Variants in CUX1 observed in about 807,000 individuals in gnomAD.
The protein encoded by CUX1 is protein CASP.
In CUX1, 31 loss-of-function variants were observed where a neutral mutation model predicts 158.8. The ratio of observed to expected loss-of-function variants is 0.20; its 90% CI spans 0.15 to 0.26. CUX1 has a LOEUF of 0.26. Among genes scored for constraint, CUX1 ranks in the 10% least tolerant of loss-of-function variants. The pLI is 1.00. For missense variants in CUX1, 1,589 were observed against 2,014.6 expected (o/e 0.79, Z 4.04); for synonymous variants, 879 against 862.1 (o/e 1.02, Z -0.34).
chr7:102,283,329 C>T, exon 23 of CUX1: 1 of 550,208 alleles, frequency 1.8e-6, no homozygotes, highest in Non-Finnish European at 3.3e-6. Flanking sequence ...GCCGCAGAGA[C>T]CCTCTCAGCC....
Position 102,200,255 on chromosome 7 carries a change from TA to T in CUX1, c.2062+84del, listed in dbSNP as rs1202064736. 6 of 1,071,492 alleles carry T rather than the reference TA, an allele frequency of 5.6e-6. No individual in the cohort carries two copies. In the African/African-American group the frequency reaches 6.8e-5, roughly 12 times the overall value. The allele number at this position is 1,071,492 out of a possible 1,614,324, so 66.4% of individuals were successfully genotyped here. Reference sequence around the variant, plus strand: ...AGTGCTCTGGTCAGCAGTAATTAACTATTTTTTTTTTAAACAATAATGAATG... The same window carrying T: ...AGTGCTCTGGTCAGCAGTAATTAACTTTTTTTTTTTAAACAATAATGAATG... On this transcript the variant is annotated intron_variant, in intron 17 of 23. Coordinates refer to ENST00000292535, the MANE Select transcript of CUX1 (RefSeq NM_181552.4).
chr7:102,124,372 T>C (rs1205227068), intron 8 of CUX1, among the ~76,000 whole-genome samples: 7 of 152,254 alleles, frequency 4.6e-5, no homozygotes, highest in South Asian at 4.1e-4. Flanking sequence ...GTTGCAGGCA[T>C]ACCTGCACTC....
intron 2 of CUX1, among the ~76,000 whole-genome samples, chr7:101,980,149 T>C (rs1310195111): frequency 2.0e-5 from 3 of 152,180 alleles, no homozygotes; most frequent in Admixed American, 6.5e-5. Context: ...GAGGTTGTGA[T>C]GAATATTATT....
intron 2 of CUX1, among the ~76,000 whole-genome samples, chr7:101,931,575 G>GT (rs749379007): frequency 2.5e-3 from 375 of 152,024 alleles, no homozygotes; most frequent in Non-Finnish European, 3.6e-3. Context: ...CTGCCTGAAG[G>GT]TTTTTTTTGA....
intron 12 of CUX1, among the ~76,000 whole-genome samples, chr7:102,192,502 T>C (rs1422872271): frequency 6.6e-6 from 1 of 151,758 alleles, no homozygotes; most frequent in Non-Finnish European, 1.5e-5. Context: ...CTAAAGAAAA[T>C]AGGAAACGAA....
intron 1 of CUX1, among the ~76,000 whole-genome samples, chr7:101,835,634 A>G (rs577049745): frequency 2.9e-4 from 44 of 152,300 alleles, no homozygotes; most frequent in African/African-American, 9.6e-4. Flanking sequence ...TGATACAGGC[A>G]TGCAATTCAT....
intron 2 of CUX1, among the ~76,000 whole-genome samples, chr7:101,937,114 C>G (rs1245873877): frequency 6.6e-6 from 1 of 152,144 alleles, no homozygotes; most frequent in Non-Finnish European, 1.5e-5. Flanking sequence ...GATGTGTCCC[C>G]TGCCGGGACT....
At chr7:102,278,146 C>T (rs1210878423) in intron 18 of CUX1, 7 of 1,039,394 alleles carry the variant, frequency 6.7e-6, no homozygotes, top group African/African-American at 4.8e-5. Flanking sequence ...ATGGGAGGGT[C>T]GGGGACCAAG....
chr7:102,053,824 T>G (rs1823816274), intron 3 of CUX1, among the ~76,000 whole-genome samples: 4 of 145,348 alleles, frequency 2.8e-5, no homozygotes, highest in Admixed American at 2.7e-4. Flanking sequence ...TTTTTTTTTT[T>G]GAGACAGAGT....
chr7:102,025,834 G>A (rs1340262025), intron 2 of CUX1, among the ~76,000 whole-genome samples: 1 of 152,110 alleles, frequency 6.6e-6, no homozygotes, highest in Non-Finnish European at 1.5e-5. Context: ...TGTTTCTACA[G>A]GATCACAATA....
chr7:102,034,283 A>G (rs1821160260), intron 3 of CUX1, among the ~76,000 whole-genome samples: 1 of 152,090 alleles, frequency 6.6e-6, no homozygotes, highest in Non-Finnish European at 1.5e-5. Context: ...TTCAAAACTT[A>G]TTAACATAAA....
At chr7:101,959,269 G>A in intron 2 of CUX1, 1 of 152,042 alleles carries the variant, frequency 6.6e-6, no homozygotes, top group Non-Finnish European at 1.5e-5. Context: ...GTGTGTGTGT[G>A]TGTGTGCAAG....
In CUX1 at chr7:102,250,203, GTTTAA is replaced by G. The variant is rs1463893781; in HGVS notation, c.*1166_*1170del. On this transcript the variant is annotated 3_prime_UTR_variant, in exon 24 of 24. Transcript: ENST00000292535. ...ACTGTAGCATGTACCTGTTAATTTT[GTTTAA>G]TTTATGGTGTCTCAATCTGTCTGTG... 1.6e-5 allele frequency: 16 copies of G among 985,308 alleles called. No homozygotes were observed. The African/African-American group carries it at 2.8e-4, about 17-fold the overall frequency. The allele number at this position is 985,308 out of a possible 1,614,324, so 61.0% of individuals were successfully genotyped here. A position where few individuals can be genotyped will look rare whatever the true frequency, so the allele number is the denominator to read the frequency against.
chr7:101,836,684 CAAAAAAAAAAAA>C (rs71755816), intron 1 of CUX1, among the ~76,000 whole-genome samples: 2 of 77,832 alleles, frequency 2.6e-5, no homozygotes, highest in African/African-American at 4.9e-5. Flanking sequence ...GACTCCTTCT[CAAAAAAAAAAAA>C]AAAAAAAAAA....
intron 2 of CUX1, among the ~76,000 whole-genome samples, chr7:101,957,018 TA>T (rs1161923490): frequency 6.6e-6 from 1 of 152,148 alleles, no homozygotes; most frequent in Non-Finnish European, 1.5e-5. Flanking sequence ...ATTGATATAC[TA>T]AAAACAGGTG....
At chr7:102,281,654 C>T (rs1554549282) in intron 20 of CUX1, among the ~76,000 whole-genome samples, 1 of 150,786 alleles carries the variant, frequency 6.6e-6, no homozygotes. Context: ...CAGAGGGAGA[C>T]TCTGTCTCAA....
At chr7:102,039,649 T>A (rs1706000809) in intron 3 of CUX1, among the ~76,000 whole-genome samples, 1 of 148,172 alleles carries the variant, frequency 6.7e-6, no homozygotes, top group Middle Eastern at 3.4e-3. Flanking sequence ...AGCGAGACCC[T>A]GTCTCTATTT....
chr7:101,864,052 T>C (rs1797719459), intron 1 of CUX1, among the ~76,000 whole-genome samples: 1 of 152,248 alleles, frequency 6.6e-6, no homozygotes, highest in Non-Finnish European at 1.5e-5. Flanking sequence ...CTTTTGAGTT[T>C]ATACCCAAAA....
At chr7:102,086,351 GT>G (rs782528558) in intron 4 of CUX1, among the ~76,000 whole-genome samples, 3 of 150,868 alleles carry the variant, frequency 2.0e-5, no homozygotes, top group Non-Finnish European at 4.4e-5. Context: ...GTTTTACTAA[GT>G]GGGCATTGTT....
Sources: gnomAD v4.1 joint callset for allele counts (sites outside exome capture counted in the v4.1 genomes callset) on GRCh38, gnomAD v4.1.1 for gene constraint, MANE v1.5 for transcripts, NCBI Gene and HGNC (gene_info 2026-07-23, HGNC 2026-07-21) for gene names.